PMFBP1: variants seen among roughly 807,000 people sequenced by gnomAD.
PMFBP1 encodes the protein polyamine-modulated factor 1-binding protein 1.
PMFBP1 carries 131 observed loss-of-function variants against 137.8 expected under a neutral mutation model. The ratio of observed to expected loss-of-function variants is 0.95; its 90% CI spans 0.82 to 1.10. The LOEUF is 1.10. PMFBP1 is among the 50% of genes least tolerant of loss of function. The probability of loss-of-function intolerance (pLI) is 0.00; values close to 1 mark genes in which losing one functional copy is unlikely to be tolerated. For missense variants in PMFBP1, 1,199 were observed against 1,175.4 expected, an observed-to-expected ratio of 1.02 and a Z score of -0.29; for synonymous variants, 490 against 450.4, an observed-to-expected ratio of 1.09 and a Z score of -1.11.
chr16:72,120,165 A>G lies in PMFBP1; in HGVS notation c.2769-76T>C, dbSNP rs374357441. 6 of 1,604,756 alleles carry G rather than the reference A, an allele frequency of 3.7e-6. No individual in the cohort carries two copies. The East Asian group carries it at 1.3e-4, about 36-fold the overall frequency. On this transcript the variant is annotated intron_variant, in intron 19 of 20. Transcript: ENST00000237353. ...TGGTTCCCTGCTAGAAAGGACAGAT[A>G]AAGGTGTCACAGGGAAGACAGCACA...
At chr16:72,199,976 C>A in the PMFBP1 span, among the ~76,000 whole-genome samples, 1 of 152,038 alleles carries the variant, frequency 6.6e-6, no homozygotes, top group Non-Finnish European at 1.5e-5. Flanking sequence ...AAAAGCAGCC[C>A]GAGAGGAAAT....
Position 72,139,343 on chromosome 16 carries a change from T to C in PMFBP1, c.864A>G (p.Thr288=), listed in dbSNP as rs1316676168. 3.1e-6 allele frequency: 5 copies of C among 1,614,208 alleles called. No homozygotes were observed. The highest frequency in any genetic ancestry group is 4.2e-6 in the Non-Finnish European group (5 of 1,180,014). Residue 288 remains threonine (T), a synonymous_variant, in exon 7 of 21, where the codon ACA becomes ACG. Transcript: ENST00000237353. Reference sequence around the variant, plus strand: ...AGCTAGGAGGGTATCTGTGGGTGGCTGTACAGGAAGCAAAATCGGCTTGTA... The same window carrying C: ...AGCTAGGAGGGTATCTGTGGGTGGCCGTACAGGAAGCAAAATCGGCTTGTA... ...IKLQADFASC[T]ATHRYPPSSS...
At chr16:72,193,385 G>A in the PMFBP1 span, among the ~76,000 whole-genome samples, 1 of 151,958 alleles carries the variant, frequency 6.6e-6, no homozygotes. Context: ...GTGAGATTCT[G>A]TCTCTAAAAA....
the PMFBP1 span, among the ~76,000 whole-genome samples, chr16:72,245,465 G>C: frequency 6.6e-6 from 1 of 152,176 alleles, no homozygotes; most frequent in Admixed American, 6.5e-5. Flanking sequence ...AAACGCTGTA[G>C]TTTAGTAAAC....
downstream of PMFBP1, among the ~76,000 whole-genome samples, chr16:72,118,588 C>T (rs144685473): frequency 7.2e-5 from 11 of 152,278 alleles, no homozygotes; most frequent in East Asian, 2.1e-3. Context: ...TCTCCACTTC[C>T]TATAGACTAG....
chr16:72,116,868 CTT>C (rs1300031833), downstream of PMFBP1, among the ~76,000 whole-genome samples: 6 of 151,972 alleles, frequency 3.9e-5, no homozygotes, highest in African/African-American at 1.2e-4. Flanking sequence ...GTATGTCTGT[CTT>C]TTGATTTATA....
chr16:72,226,241 G>A, the PMFBP1 span, among the ~76,000 whole-genome samples: 1 of 152,232 alleles, frequency 6.6e-6, no homozygotes, highest in East Asian at 1.9e-4. Context: ...CTGGGCTGTG[G>A]TTATCTTTCA....
intron 14 of PMFBP1, among the ~76,000 whole-genome samples, chr16:72,127,324 A>G (rs1033352849): frequency 6.6e-6 from 1 of 152,226 alleles, no homozygotes; most frequent in African/African-American, 2.4e-5. Flanking sequence ...TGGTGAAACT[A>G]TTCCTAAAGA....
the PMFBP1 span, among the ~76,000 whole-genome samples, chr16:72,205,926 C>T: frequency 6.6e-6 from 1 of 152,064 alleles, no homozygotes; most frequent in Non-Finnish European, 1.5e-5. Flanking sequence ...CTAGGGTCAC[C>T]GTCTATGAAA....
chr16:72,135,174 G>T (rs939015998), intron 9 of PMFBP1, among the ~76,000 whole-genome samples: 3 of 151,956 alleles, frequency 2.0e-5, no homozygotes, highest in Non-Finnish European at 4.4e-5. Flanking sequence ...GGATGATGAT[G>T]ATGATTATTA....
the PMFBP1 span, among the ~76,000 whole-genome samples, chr16:72,207,442 TA>T: frequency 6.6e-6 from 1 of 152,004 alleles, no homozygotes; most frequent in Non-Finnish European, 1.5e-5. Flanking sequence ...TTAGGAGAGA[TA>T]GGGGCACTAA....
At chr16:72,179,439 C>T (rs554841306), upstream of PMFBP1, among the ~76,000 whole-genome samples, 1 of 152,258 alleles carries the variant, frequency 6.6e-6, no homozygotes, top group South Asian at 2.1e-4. Flanking sequence ...GCAACCTCAT[C>T]CGCAATGCAG....
chr16:72,133,610 T>C (rs954946492), intron 9 of PMFBP1, among the ~76,000 whole-genome samples: 1 of 152,144 alleles, frequency 6.6e-6, no homozygotes, highest in East Asian at 1.9e-4. Flanking sequence ...CACCTCAGTC[T>C]CCCTGTTACA....
chr16:72,196,142 C>T, the PMFBP1 span, among the ~76,000 whole-genome samples: 1 of 152,230 alleles, frequency 6.6e-6, no homozygotes, highest in South Asian at 2.1e-4. Context: ...CTGAGTCCAC[C>T]TTACATGAAT....
chr16:72,209,921 C>T, the PMFBP1 span, among the ~76,000 whole-genome samples: 4 of 152,240 alleles, frequency 2.6e-5, no homozygotes, highest in African/African-American at 9.6e-5. Flanking sequence ...ACATCCTTCT[C>T]TGACTACAGC....
the PMFBP1 span, among the ~76,000 whole-genome samples, chr16:72,206,624 T>G: frequency 3.3e-5 from 5 of 152,234 alleles, no homozygotes; most frequent in African/African-American, 9.6e-5. Flanking sequence ...GGAGGTTAAC[T>G]GACTTGCCCA....
intron 9 of PMFBP1, among the ~76,000 whole-genome samples, chr16:72,134,827 C>A (rs911694827): frequency 1.3e-5 from 2 of 152,188 alleles, no homozygotes; most frequent in Non-Finnish European, 2.9e-5. Context: ...ACCCTGTGTA[C>A]AACCGCCATC....
chr16:72,227,509 G>A, the PMFBP1 span, among the ~76,000 whole-genome samples: 1 of 152,066 alleles, frequency 6.6e-6, no homozygotes, highest in African/African-American at 2.4e-5. Flanking sequence ...TAATAAAATT[G>A]GGATGATTCT....
At chr16:72,186,254 G>A in the PMFBP1 span, among the ~76,000 whole-genome samples, 2 of 152,210 alleles carry the variant, frequency 1.3e-5, no homozygotes, top group African/African-American at 4.8e-5. Flanking sequence ...AGTTCTGGAA[G>A]AAGCTCCCCT....
Sources: allele counts gnomAD v4.1 joint callset (sites outside exome capture counted in the v4.1 genomes callset), GRCh38; gene constraint gnomAD v4.1.1; transcripts MANE v1.5; gene names NCBI Gene and HGNC (gene_info 2026-07-23, HGNC 2026-07-21).